THSD7B: variants seen among roughly 807,000 people sequenced by gnomAD.
THSD7B encodes thrombospondin type 1 domain containing 7B.
THSD7B carries 138 observed loss-of-function variants against 213.6 expected under a neutral mutation model. The observed-to-expected ratio is 0.65, with a 90% CI of 0.56 to 0.74. The LOEUF is 0.74. Ranked by LOEUF, THSD7B falls within the 30% of genes least tolerant of loss-of-function variation. The pLI is 0.00. For missense variants in THSD7B, 1,931 were observed against 1,991.5 expected (o/e 0.97, Z 0.58); for synonymous variants, 742 against 687.0 (o/e 1.08, Z -1.25).
chr2:136,887,157 T>C (rs114145286), intron 2 of THSD7B, among the ~76,000 whole-genome samples: 4,478 of 152,286 alleles, frequency 0.029, 103 homozygotes, highest in South Asian at 0.071. Flanking sequence ...TACATCACAG[T>C]GTGGTGGAAT....
At chr2:137,057,348 T>G (rs544718173) in intron 3 of THSD7B, 118 bp downstream of exon 3, 1 of 1,068,946 alleles carries the variant, frequency 9.4e-7, no homozygotes, top group African/African-American at 1.6e-5. Context: ...ATAATTTAGG[T>G]TTTTAGAAGT....
intron 1 of THSD7B, among the ~76,000 whole-genome samples, chr2:136,785,665 C>T (rs1344639687): frequency 6.6e-6 from 1 of 152,198 alleles, no homozygotes; most frequent in Non-Finnish European, 1.5e-5. Context: ...CTCTTACAGA[C>T]TTCCCCTTGA....
At chr2:137,497,469 G>A (rs1679597066) in intron 15 of THSD7B, among the ~76,000 whole-genome samples, 1 of 151,864 alleles carries the variant, frequency 6.6e-6, no homozygotes, top group African/African-American at 2.4e-5. Context: ...AATCCTCCCT[G>A]CCTTGTTTTG....
chr2:137,255,262 G>C (rs1479677828), intron 10 of THSD7B, among the ~76,000 whole-genome samples: 1 of 152,140 alleles, frequency 6.6e-6, no homozygotes, highest in African/African-American at 2.4e-5. Flanking sequence ...GCCACAGCCT[G>C]TACTGAATAG....
intron 1 of THSD7B, among the ~76,000 whole-genome samples, chr2:136,829,446 C>A (rs1186070355): frequency 6.6e-6 from 1 of 152,086 alleles, no homozygotes; most frequent in Non-Finnish European, 1.5e-5. Flanking sequence ...AGAGGACAGG[C>A]TTAAACTCTT....
chr2:137,253,131 T>C (rs1488865855), intron 10 of THSD7B, among the ~76,000 whole-genome samples: 2 of 152,096 alleles, frequency 1.3e-5, no homozygotes, highest in Non-Finnish European at 2.9e-5. Flanking sequence ...CTGAGTGATA[T>C]TTTAGTTCAG....
At chr2:137,111,318 TAG>T (rs1166823986) in intron 4 of THSD7B, among the ~76,000 whole-genome samples, 1 of 152,190 alleles carries the variant, frequency 6.6e-6, no homozygotes, top group Non-Finnish European at 1.5e-5. Context: ...GCTAGACAGG[TAG>T]CTACCCATTG....
chr2:137,664,075 A>G (rs1175763345), intron 26 of THSD7B, among the ~76,000 whole-genome samples: 1 of 150,946 alleles, frequency 6.6e-6, no homozygotes, highest in African/African-American at 2.4e-5. Flanking sequence ...CTGGTCTTGA[A>G]CTCCTGACTT....
At chr2:137,190,370 C>T (rs918103453) in intron 7 of THSD7B, among the ~76,000 whole-genome samples, 6 of 151,978 alleles carry the variant, frequency 3.9e-5, no homozygotes, top group South Asian at 2.1e-4. Flanking sequence ...GCTTGAAGAA[C>T]GGAAGCAAGT....
intron 2 of THSD7B, among the ~76,000 whole-genome samples, chr2:136,991,266 A>G (rs1685778548): frequency 6.6e-6 from 1 of 152,212 alleles, no homozygotes; most frequent in East Asian, 1.9e-4. Context: ...GAGAGAACGC[A>G]TGCAAAATGA....
chr2:137,459,175 A>C (rs1298736159), intron 15 of THSD7B, among the ~76,000 whole-genome samples: 1 of 152,158 alleles, frequency 6.6e-6, no homozygotes, highest in African/African-American at 2.4e-5. Flanking sequence ...AAAAAATCTA[A>C]AAAAGAAATT....
intron 12 of THSD7B, among the ~76,000 whole-genome samples, chr2:137,395,879 T>G (rs141914258): frequency 0.99 from 146,477 of 147,774 alleles, 72,609 homozygotes; most frequent in East Asian, 1. Flanking sequence ...ACTTCTTCCT[T>G]TTTTAGTCTT....
At chr2:137,369,530 AT>A in intron 12 of THSD7B, among the ~76,000 whole-genome samples, 1 of 152,168 alleles carries the variant, frequency 6.6e-6, no homozygotes, top group Non-Finnish European at 1.5e-5. Context: ...TAAATCCAAG[AT>A]TATATTTGGG....
At chr2:137,158,442 G>T (rs952596050) in intron 5 of THSD7B, among the ~76,000 whole-genome samples, 3 of 152,030 alleles carry the variant, frequency 2.0e-5, no homozygotes, top group Non-Finnish European at 2.9e-5. Flanking sequence ...CCTCCACATG[G>T]CTTGCAAACT....
chr2:137,490,136 A>G (rs1467876776), intron 15 of THSD7B, among the ~76,000 whole-genome samples: 1 of 152,190 alleles, frequency 6.6e-6, no homozygotes, highest in African/African-American at 2.4e-5. Context: ...AGACATGGGC[A>G]TTTCCTAACC....
intron 2 of THSD7B, among the ~76,000 whole-genome samples, chr2:137,036,149 T>C (rs139838653): frequency 0.012 from 1,872 of 152,320 alleles, 40 homozygotes; most frequent in African/African-American, 0.043. Context: ...CTGCAATTCT[T>C]AGTTATTTTC....
At chr2:137,076,241 C>A (rs530076406) in intron 3 of THSD7B, among the ~76,000 whole-genome samples, 2 of 152,332 alleles carry the variant, frequency 1.3e-5, no homozygotes, top group African/African-American at 2.4e-5. Context: ...CCACCCAGTT[C>A]GAGCTTCCTG....
chr2:136,900,234 C>T (rs2105011295), intron 2 of THSD7B, among the ~76,000 whole-genome samples: 1 of 152,346 alleles, frequency 6.6e-6, no homozygotes, highest in East Asian at 1.9e-4. Context: ...TACTAACCCA[C>T]TTGGTCTGTA....
intron 7 of THSD7B, among the ~76,000 whole-genome samples, chr2:137,218,973 T>A (rs904544811): frequency 9.3e-6 from 1 of 107,626 alleles, no homozygotes; most frequent in Non-Finnish European, 2.0e-5. Context: ...TTTTTTCAAC[T>A]GAGTTTGTGA....
Sources: gnomAD v4.1 joint callset for allele counts (sites outside exome capture counted in the v4.1 genomes callset) on GRCh38, gnomAD v4.1.1 for gene constraint, MANE v1.5 for transcripts, NCBI Gene and HGNC (gene_info 2026-07-23, HGNC 2026-07-21) for gene names.